MYO5A: variants seen among roughly 807,000 people sequenced by gnomAD.
MYO5A encodes the protein unconventional myosin-Va.
MYO5A carries 98 observed loss-of-function variants against 249.7 expected under a neutral mutation model. The observed-to-expected ratio is 0.39, with a 90% confidence interval of 0.33 to 0.46. The LOEUF is 0.46. MYO5A is among the 20% of genes least tolerant of loss of function. The probability of loss-of-function intolerance (pLI) is 0.98; values close to 1 mark genes in which losing one functional copy is unlikely to be tolerated. For missense variants in MYO5A, 1,696 were observed against 2,308.8 expected (o/e 0.73, Z 5.44); for synonymous variants, 778 against 810.6 (o/e 0.96, Z 0.68).
At chr15:52,352,102 C>G (rs762654018) in intron 27 of MYO5A, among the ~76,000 whole-genome samples, 1 of 152,174 alleles carries the variant, frequency 6.6e-6, no homozygotes, top group African/African-American at 2.4e-5. Context: ...GTGGGCAGAG[C>G]CTTGGGAGGC....
chr15:52,372,871 C>T (rs534213017), intron 20 of MYO5A, among the ~76,000 whole-genome samples: 4 of 152,152 alleles, frequency 2.6e-5, no homozygotes, highest in Non-Finnish European at 4.4e-5. Flanking sequence ...TTATTAGGCC[C>T]GTGCATGAGG....
At chr15:52,476,136 A>T (rs1205930441) in intron 1 of MYO5A, among the ~76,000 whole-genome samples, 1 of 152,178 alleles carries the variant, frequency 6.6e-6, no homozygotes, top group Non-Finnish European at 1.5e-5. Context: ...GCCCTTTATC[A>T]TTATGTAATG....
chr15:52,392,661 A>G (rs1487003576), intron 11 of MYO5A, among the ~76,000 whole-genome samples: 2 of 152,238 alleles, frequency 1.3e-5, no homozygotes, highest in South Asian at 2.1e-4. Context: ...CTGCTAGTCC[A>G]TTGCTATTTC....
chr15:52,333,110 TTGCCAG>T (rs2038964684), intron 34 of MYO5A, among the ~76,000 whole-genome samples: 1 of 152,180 alleles, frequency 6.6e-6, no homozygotes, highest in African/African-American at 2.4e-5. Flanking sequence ...CCCTCTGAAC[TTGCCAG>T]TGTCTTGACC....
intron 38 of MYO5A, among the ~76,000 whole-genome samples, chr15:52,320,780 G>A (rs189270651): frequency 7.2e-5 from 11 of 152,074 alleles, no homozygotes; most frequent in Non-Finnish European, 1.2e-4. Context: ...TTGGGAGGCC[G>A]AGGTGAGTGG....
intron 1 of MYO5A, among the ~76,000 whole-genome samples, chr15:52,526,447 C>A (rs997887694): frequency 1.3e-5 from 2 of 152,110 alleles, no homozygotes; most frequent in African/African-American, 4.8e-5. Context: ...CTGCAACCTC[C>A]GCCTTCCAGG....
intron 28 of MYO5A, among the ~76,000 whole-genome samples, chr15:52,349,530 G>A (rs1281732640): frequency 1.3e-5 from 2 of 152,176 alleles, no homozygotes; most frequent in African/African-American, 4.8e-5. Context: ...TGGGGTACGT[G>A]AGCCGGGCAA....
rs150261788 is a variant in MYO5A at position 52,386,119 on chromosome 15, C to T, written c.1752+1710G>A. Among the ~76,000 whole-genome samples the T allele has an allele frequency of 4.4e-4, 67 of 152,196 alleles. 1 individual carries two copies. In the East Asian group the frequency reaches 7.1e-3, roughly 16 times the overall value. The stretch of plus-strand genomic sequence containing the variant: ...ATCCCTTGAGACCAGGAGTTCAAGA[C>T]CAGCCTGGACAACATGGTGAAACCC... On this transcript the variant is annotated intron_variant, in intron 14 of 41. Transcript: ENST00000399233.
At chr15:52,483,399 G>C (rs938394201) in intron 1 of MYO5A, among the ~76,000 whole-genome samples, 1 of 152,124 alleles carries the variant, frequency 6.6e-6, no homozygotes, top group Admixed American at 6.6e-5. Context: ...TGAAGGGACC[G>C]TGAGTATGGC....
chr15:52,358,786 G>A (rs568724106), intron 25 of MYO5A, among the ~76,000 whole-genome samples: 1 of 147,358 alleles, frequency 6.8e-6, no homozygotes, highest in Admixed American at 6.6e-5. Context: ...ATAAATTACT[G>A]TTTTTTAAAA....
chr15:52,407,485 A>T, intron 7 of MYO5A, 86 bp from the exon 8 acceptor site: 1 of 881,636 alleles, frequency 1.1e-6, no homozygotes, highest in South Asian at 1.4e-5. Flanking sequence ...AGAGGTGGTG[A>T]TAGCACAGTT....
chr15:52,385,576 ATT>A (rs768015184), intron 14 of MYO5A, among the ~76,000 whole-genome samples: 2 of 151,426 alleles, frequency 1.3e-5, no homozygotes, highest in African/African-American at 2.4e-5. Flanking sequence ...ATATATATAT[ATT>A]TTTTTAAACT....
At chr15:52,373,300 T>C (rs930454191) in intron 20 of MYO5A, among the ~76,000 whole-genome samples, 4 of 152,192 alleles carry the variant, frequency 2.6e-5, no homozygotes, top group African/African-American at 9.7e-5. Context: ...GAAGAAATTC[T>C]TGAATTTTAA....
chr15:52,388,768 A>T (rs907160928), intron 13 of MYO5A, among the ~76,000 whole-genome samples: 1 of 152,196 alleles, frequency 6.6e-6, no homozygotes, highest in African/African-American at 2.4e-5. Flanking sequence ...AACCCTTGAG[A>T]TCAGCTATGC....
At chr15:52,499,299 ATT>A (rs2077104649) in intron 1 of MYO5A, among the ~76,000 whole-genome samples, 1 of 152,094 alleles carries the variant, frequency 6.6e-6, no homozygotes, top group African/African-American at 2.4e-5. Context: ...GCATTAATGG[ATT>A]TTCTTTTTTT....
chr15:52,335,344 C>T (rs1280456343), intron 34 of MYO5A, among the ~76,000 whole-genome samples: 1 of 151,780 alleles, frequency 6.6e-6, no homozygotes, highest in Non-Finnish European at 1.5e-5. Flanking sequence ...GGTGAAACCC[C>T]GTCTCTACTA....
chr15:52,515,537 T>C (rs2077479368), intron 1 of MYO5A, among the ~76,000 whole-genome samples: 1 of 152,220 alleles, frequency 6.6e-6, no homozygotes, highest in Non-Finnish European at 1.5e-5. Context: ...GTGCTTCCCA[T>C]GTACTATCTC....
chr15:52,414,540 G>T (rs977116016), intron 5 of MYO5A, among the ~76,000 whole-genome samples: 1 of 152,032 alleles, frequency 6.6e-6, no homozygotes, highest in Admixed American at 6.6e-5. Flanking sequence ...GTTCATTCTA[G>T]ACTTAAGTTA....
intron 13 of MYO5A, among the ~76,000 whole-genome samples, chr15:52,388,606 C>A (rs1330039215): frequency 6.6e-6 from 1 of 152,178 alleles, no homozygotes; most frequent in Non-Finnish European, 1.5e-5. Context: ...AAGCCTACAT[C>A]ACAGTCTCCT....
Sources: allele counts gnomAD v4.1 joint callset (sites outside exome capture counted in the v4.1 genomes callset), GRCh38; gene constraint gnomAD v4.1.1; transcripts MANE v1.5; gene names NCBI Gene and HGNC (gene_info 2026-07-23, HGNC 2026-07-21).